SLC20A2: variants seen among roughly 807,000 people sequenced by gnomAD.
SLC20A2 encodes solute carrier family 20 member 2.
In SLC20A2, 30 loss-of-function variants were observed where a neutral mutation model predicts 61.0. The ratio of observed to expected loss-of-function variants is 0.49; its 90% CI spans 0.37 to 0.67. SLC20A2 has a LOEUF of 0.67. SLC20A2 is among the 30% of genes least tolerant of loss of function. The probability of loss-of-function intolerance (pLI) is 0.00; values close to 1 mark genes in which losing one functional copy is unlikely to be tolerated. For missense variants in SLC20A2, 626 were observed against 866.4 expected (o/e 0.72, Z 3.48); for synonymous variants, 351 against 353.3 (o/e 0.99, Z 0.07).
At chr8:42,475,427 T>G (rs1807997243) in intron 1 of SLC20A2, among the ~76,000 whole-genome samples, 1 of 151,520 alleles carries the variant, frequency 6.6e-6, no homozygotes, top group Non-Finnish European at 1.5e-5. Flanking sequence ...CTGTTGTCTT[T>G]GAGACAAAGT....
chr8:42,488,244 G>A (rs867646934), intron 1 of SLC20A2, among the ~76,000 whole-genome samples: 32 of 142,710 alleles, frequency 2.2e-4, no homozygotes, highest in African/African-American at 8.0e-4. Context: ...GGAGTGCAGC[G>A]GCTCGATCTC....
Position 42,437,086 on chromosome 8 carries a change from C to T in SLC20A2, c.1426G>A (p.Glu476Lys). 1 of 1,614,116 alleles carries T rather than the reference C, an allele frequency of 6.2e-7. No homozygotes were observed. ...PREDPAEEEK[E>K]EKDAPEVHLL... ...TGAACCTCGGGTGCGTCCTTCTCCT[C>T]CTTCTCCTCCTCTGCAGGGTCCTCT... is the stretch of plus-strand genomic sequence containing the variant. The change falls in exon 8 of 11, where the codon GAG becomes AAG. Residue 476 changes from glutamate to lysine, a missense_variant. By Grantham distance (56) the Glu-to-Lys change is moderately conservative (BLOSUM62 1). This residue lies in a region of SLC20A2 where 361 missense variants were observed against 422.3 expected (regional missense o/e 0.85). Transcript: ENST00000520262. This position sits in a 1 kb window ranked among gnomAD's most constrained non-coding sequence, Gnocchi z 6.4.
intron 1 of SLC20A2, among the ~76,000 whole-genome samples, chr8:42,483,331 A>G (rs1381304797): frequency 2.0e-5 from 3 of 152,228 alleles, no homozygotes; most frequent in Admixed American, 2.0e-4. Context: ...AGATCGTGCC[A>G]TTGCACTCCA....
intron 5 of SLC20A2, among the ~76,000 whole-genome samples, chr8:42,454,758 A>G (rs1050675147): frequency 1.3e-5 from 2 of 151,658 alleles, no homozygotes; most frequent in African/African-American, 4.9e-5. Flanking sequence ...TTTGGTAGAG[A>G]TGGGGTCTTG....
chr8:42,522,458 A>C lies in SLC20A2; in HGVS notation c.-265+19363T>G, dbSNP rs1362988272. Reference sequence around the variant, plus strand: ...CACTTTGGGGGGCCGAGGCGGGTGGATCACCTTAGGTCAGGAGTTCAAGAC... The same window carrying C: ...CACTTTGGGGGGCCGAGGCGGGTGGCTCACCTTAGGTCAGGAGTTCAAGAC... On this transcript the variant is annotated intron_variant, in intron 1 of 10. Transcript: ENST00000342228. Among the ~76,000 whole-genome samples, 2 of 121,014 alleles carry C rather than the reference A, an allele frequency of 1.7e-5. 1 individual carries two copies. Among genetic ancestry groups the C allele is most frequent in the Non-Finnish European group, 4.0e-5 (2 of 50,250 alleles). The allele number at this position is 121,014 out of a possible 152,430, so 79.4% of individuals were successfully genotyped here. A position where few individuals can be genotyped will look rare whatever the true frequency, so the allele number is the denominator to read the frequency against.
intron 5 of SLC20A2, among the ~76,000 whole-genome samples, chr8:42,447,003 T>C (rs1160798691): frequency 6.6e-6 from 1 of 152,234 alleles, no homozygotes; most frequent in Non-Finnish European, 1.5e-5. Context: ...TTTGTTTTAT[T>C]GTTAACCATT....
At chr8:42,454,094 A>G (rs753826525) in intron 5 of SLC20A2, among the ~76,000 whole-genome samples, 4 of 151,946 alleles carry the variant, frequency 2.6e-5, no homozygotes, top group African/African-American at 7.3e-5. Flanking sequence ...AGCTCCCCCT[A>G]CTAGGTTCAT....
intron 1 of SLC20A2, among the ~76,000 whole-genome samples, chr8:42,484,259 C>T (rs948079775): frequency 6.6e-6 from 1 of 152,190 alleles, no homozygotes; most frequent in African/African-American, 2.4e-5. Context: ...CCTGATTCTA[C>T]TTCACTAATA....
intron 8 of SLC20A2, among the ~76,000 whole-genome samples, chr8:42,434,607 G>T (rs1436632215): frequency 1.3e-5 from 2 of 152,194 alleles, no homozygotes; most frequent in Non-Finnish European, 2.9e-5. Flanking sequence ...CCCGCCCCTG[G>T]CTCAGAGGGA....
intron 5 of SLC20A2, among the ~76,000 whole-genome samples, chr8:42,457,218 G>A (rs750965674): frequency 1.3e-5 from 2 of 151,934 alleles, no homozygotes; most frequent in Non-Finnish European, 2.9e-5. Context: ...GTGAGCCACC[G>A]CGCCCAGCCT....
Position 42,437,114 on chromosome 8 carries a change from C to A in SLC20A2, c.1398G>T (p.Pro466=), listed in dbSNP as rs764781730. 2 of 1,613,974 alleles carry A rather than the reference C, an allele frequency of 1.2e-6. No individual in the cohort carries two copies. Among genetic ancestry groups the A allele is most frequent in the Non-Finnish European group, 1.7e-6 (2 of 1,180,048 alleles). The change falls in exon 8 of 11, where the codon CCG becomes CCT. Residue 466 remains proline, a synonymous_variant. Coordinates refer to ENST00000520262, the MANE Select transcript of SLC20A2 (RefSeq NM_001257180.2). This position sits in a 1 kb window ranked among gnomAD's most constrained non-coding sequence, Gnocchi z 6.4. ...LASELADPDQ[P]REDPAEEEKE... is the part of the protein sequence containing the mutation. ...TCTCCTCCTCTGCAGGGTCCTCTCG[C>A]GGCTGGTCAGGGTCGGCCAGCTCCG...
At chr8:42,514,406 TA>T (rs1287453680) in intron 1 of SLC20A2, among the ~76,000 whole-genome samples, 3 of 150,792 alleles carry the variant, frequency 2.0e-5, no homozygotes, top group Non-Finnish European at 4.4e-5. Context: ...GAGATAAGAG[TA>T]ATTATTAGCC....
intron 2 of SLC20A2, among the ~76,000 whole-genome samples, chr8:42,471,417 G>T (rs1245832822): frequency 6.6e-6 from 1 of 152,138 alleles, no homozygotes; most frequent in Admixed American, 6.6e-5. Flanking sequence ...ACTTGAAACT[G>T]CAATAAAAGG....
intron 1 of SLC20A2, among the ~76,000 whole-genome samples, chr8:42,498,970 C>T (rs954672088): frequency 6.6e-6 from 1 of 152,234 alleles, no homozygotes; most frequent in African/African-American, 2.4e-5. Context: ...AAGGCTATCC[C>T]TCTAGGCAGA....
intron 1 of SLC20A2, among the ~76,000 whole-genome samples, chr8:42,524,192 A>T (rs2131408733): frequency 6.6e-6 from 1 of 152,324 alleles, no homozygotes. Flanking sequence ...ACTTCTGGAA[A>T]TTTTTACAAC....
chr8:42,509,729 G>C (rs190248800), intron 1 of SLC20A2, among the ~76,000 whole-genome samples: 167 of 152,030 alleles, frequency 1.1e-3, no homozygotes, highest in African/African-American at 3.5e-3. Flanking sequence ...ATTCCAGCCC[G>C]GGCAACAGAG....
At chr8:42,494,910 G>A (rs190814241) in intron 1 of SLC20A2, among the ~76,000 whole-genome samples, 4 of 152,004 alleles carry the variant, frequency 2.6e-5, no homozygotes, top group South Asian at 2.1e-4. Flanking sequence ...GCAACGGTGC[G>A]ATCTCGGCTC....
At chr8:42,526,501 G>A (rs1328167337) in intron 1 of SLC20A2, among the ~76,000 whole-genome samples, 3 of 151,802 alleles carry the variant, frequency 2.0e-5, no homozygotes, top group Non-Finnish European at 2.9e-5. Flanking sequence ...GTGAAACCCC[G>A]TCTCTACTAA....
intron 1 of SLC20A2, among the ~76,000 whole-genome samples, chr8:42,514,100 A>T (rs1449664633): frequency 1.3e-5 from 2 of 151,960 alleles, no homozygotes; most frequent in African/African-American, 4.8e-5. Flanking sequence ...TCAACTCTGG[A>T]TACACATTAA....
Sources: allele counts gnomAD v4.1 joint callset (sites outside exome capture counted in the v4.1 genomes callset), GRCh38; gene constraint gnomAD v4.1.1; regional missense constraint gnomAD v4.1.1; non-coding constraint Gnocchi (gnomAD v3.1); transcripts MANE v1.5; gene names NCBI Gene and HGNC (gene_info 2026-07-23, HGNC 2026-07-21).